NCAM1: variants seen among roughly 807,000 people sequenced by gnomAD.
NCAM1 encodes antigen recognized by monoclonal antibody 5.1H11.
A neutral mutation model predicts 109.8 loss-of-function variants in NCAM1; 14 were observed. The ratio of observed to expected loss-of-function variants is 0.13; its 90% CI spans 0.08 to 0.20. The LOEUF is 0.20. Among genes scored for constraint, NCAM1 ranks in the 10% least tolerant of loss-of-function variants. The pLI, the probability that NCAM1 is intolerant of heterozygous loss-of-function variation, is 1.00. For synonymous variants in NCAM1, 418 were observed against 442.9 expected, an observed-to-expected ratio of 0.94 and a Z score of 0.70; for missense variants, 774 against 1,109.9, an observed-to-expected ratio of 0.70 and a Z score of 4.30.
intron 3 of NCAM1, 140 bp from the exon 4 acceptor site, chr11:113,205,383 C>A (rs1040752920): frequency 1.8e-6 from 2 of 1,099,584 alleles, no homozygotes; most frequent in Non-Finnish European, 2.5e-6. Context: ...CCTGACGTCT[C>A]TGAGGGTGCC....
At chr11:113,220,393 T>G (rs1357513747) in intron 8 of NCAM1, among the ~76,000 whole-genome samples, 4 of 152,170 alleles carry the variant, frequency 2.6e-5, no homozygotes, top group African/African-American at 9.7e-5. Flanking sequence ...CAAAGCTTCC[T>G]GACTCCTGGT....
At chr11:113,030,553 TAGTTTTTTGGTG>T (rs781837038) in intron 1 of NCAM1, among the ~76,000 whole-genome samples, 6 of 152,194 alleles carry the variant, frequency 3.9e-5, no homozygotes, top group Non-Finnish European at 7.3e-5. Flanking sequence ...TTCTCCTGTT[TAGTTTTTTGGTG>T]AGATTATCAA....
intron 1 of NCAM1, among the ~76,000 whole-genome samples, chr11:113,184,125 G>C (rs949084587): frequency 6.6e-6 from 1 of 152,110 alleles, no homozygotes; most frequent in Non-Finnish European, 1.5e-5. Flanking sequence ...GTTGTAGAGA[G>C]GAGGGGAAAA....
At chr11:112,966,226 G>A (rs782793915) in intron 1 of NCAM1, among the ~76,000 whole-genome samples, 1 of 152,154 alleles carries the variant, frequency 6.6e-6, no homozygotes, top group Admixed American at 6.5e-5. Context: ...CATTAATCAC[G>A]TGGCTGTATA....
At chr11:112,984,104 A>G (rs1951229480) in intron 1 of NCAM1, among the ~76,000 whole-genome samples, 6 of 151,676 alleles carry the variant, frequency 4.0e-5, no homozygotes. Context: ...CTCTGTTTCT[A>G]TGTATTTAGT....
At chr11:113,248,691 A>G (rs982714927) in intron 15 of NCAM1, among the ~76,000 whole-genome samples, 2 of 152,222 alleles carry the variant, frequency 1.3e-5, no homozygotes, top group Non-Finnish European at 2.9e-5. Flanking sequence ...TGGATGCTCC[A>G]TCTACCCTGA....
chr11:113,245,876 T>TC (rs1945485408), intron 14 of NCAM1, among the ~76,000 whole-genome samples: 1 of 152,248 alleles, frequency 6.6e-6, no homozygotes, highest in African/African-American at 2.4e-5. Context: ...TCATTGCCCT[T>TC]GTTTCCCAAG....
chr11:113,187,761 A>G (rs978488777), intron 1 of NCAM1, among the ~76,000 whole-genome samples: 5 of 152,126 alleles, frequency 3.3e-5, no homozygotes, highest in Non-Finnish European at 7.3e-5. Context: ...TCAGCAACAG[A>G]TTCGTTGTAC....
At chr11:113,060,379 A>G (rs1202694542) in intron 1 of NCAM1, among the ~76,000 whole-genome samples, 1 of 152,222 alleles carries the variant, frequency 6.6e-6, no homozygotes, top group African/African-American at 2.4e-5. Flanking sequence ...TCTTCACTTA[A>G]AAGTCCTAAT....
In NCAM1 at chr11:113,270,334, T is replaced by C; in HGVS notation, c.2278T>C (p.Cys760Arg). The part of the protein sequence containing the change: ...GLFMCIAVNL[C>R]GKAGPGAKGK... ...GTTCATGTGCATTGCGGTCAACCTGTGTGGAAAAGCCGGGCCCGGGGCCAA... is the reference window on the plus strand; with the variant it reads ...GTTCATGTGCATTGCGGTCAACCTGCGTGGAAAAGCCGGGCCCGGGGCCAA... Residue 760 changes from cysteine to arginine, a missense_variant, in exon 18 of 20, where the codon TGT becomes CGT. Around this residue, in one of 4 missense-constraint regions of NCAM1, gnomAD observed 523 missense variants for 784.2 expected, o/e 0.67. Coordinates refer to ENST00000316851, the MANE Select transcript of NCAM1 (RefSeq NM_181351.5). 1 of 1,613,916 alleles carries C rather than the reference T, an allele frequency of 6.2e-7. No individual in the cohort carries two copies. The highest frequency in any genetic ancestry group is 8.5e-7 in the Non-Finnish European group (1 of 1,179,870).
chr11:113,191,565 G>A (rs1228197191), intron 1 of NCAM1, among the ~76,000 whole-genome samples: 1 of 152,162 alleles, frequency 6.6e-6, no homozygotes, highest in Non-Finnish European at 1.5e-5. Flanking sequence ...CAGCCTTGTG[G>A]CCTTGGGCTG....
chr11:113,202,530 T>A, intron 2 of NCAM1, 77 bp downstream of exon 2: 1 of 1,327,366 alleles, frequency 7.5e-7, no homozygotes, highest in East Asian at 2.4e-5. Flanking sequence ...CCTCAGGCCA[T>A]GTGAGCTGGC....
At chr11:113,171,665 A>AAAT (rs1555106279) in intron 1 of NCAM1, among the ~76,000 whole-genome samples, 2 of 114,368 alleles carry the variant, frequency 1.7e-5, no homozygotes, top group Admixed American at 9.2e-5. Flanking sequence ...ATAAATAAAT[A>AAAT]AATAAAGAGA....
intron 1 of NCAM1, among the ~76,000 whole-genome samples, chr11:113,066,660 T>C (rs1937972874): frequency 6.6e-6 from 1 of 152,148 alleles, no homozygotes. Context: ...TGAATGTACT[T>C]TGAAGTGAGA....
rs1555112036 is a variant in NCAM1, at chr11:113,202,425, T to C, written c.99T>C (p.Val33=). Residue 33 remains valine (V), a synonymous_variant, in exon 2 of 20, where the codon GTT becomes GTC. Transcript: ENST00000316851. ...DIVPSQGEIS[V]GESKFFLCQV... is the part of the protein sequence containing the mutation. ...TTCCCAGCCAGGGGGAGATCAGCGT[T>C]GGAGAGTCCAAATTCTTCTTATGCC... 1 of 1,612,318 alleles carries C rather than the reference T, an allele frequency of 6.2e-7. No individual in the cohort carries two copies. Among genetic ancestry groups the C allele is most frequent in the African/African-American group, 1.3e-5 (1 of 74,782 alleles).
intron 15 of NCAM1, among the ~76,000 whole-genome samples, chr11:113,248,560 A>AG (rs533709776): frequency 6.6e-6 from 1 of 151,884 alleles, no homozygotes; most frequent in African/African-American, 2.4e-5. Flanking sequence ...CTGGGGGGTG[A>AG]GGGGGGAGCT....
Position 113,273,463 on chromosome 11 carries a change from A to G in NCAM1, c.2456+1587A>G, listed in dbSNP as rs960804375. The G allele has an allele frequency of 3.0e-6, 1 of 333,822 alleles. No individual in the cohort carries two copies. 20.7% of individuals were successfully genotyped at this position (333,822 alleles called of 1,614,324 possible). On this transcript the variant is annotated intron_variant, in intron 19 of 19. Transcript: ENST00000316851. The surrounding 1 kb of genome is among the most constrained non-coding windows in gnomAD (Gnocchi z 6.0). Reference sequence around the variant, plus strand: ...GAGGCTCCCAGCACCAAAGGCCCGGACCCGGAGCCCACCCAGCCCGGAGCC... The same window carrying G: ...GAGGCTCCCAGCACCAAAGGCCCGGGCCCGGAGCCCACCCAGCCCGGAGCC...
At chr11:113,208,338 C>A (rs182574127) in intron 7 of NCAM1, among the ~76,000 whole-genome samples, 4 of 152,174 alleles carry the variant, frequency 2.6e-5, no homozygotes, top group African/African-American at 9.7e-5. Flanking sequence ...AGACTCCCTG[C>A]AATGGCCTAC....
intron 17 of NCAM1, among the ~76,000 whole-genome samples, chr11:113,268,619 C>A (rs2137746229): frequency 6.6e-6 from 1 of 152,290 alleles, no homozygotes. Context: ...GGACAGCCAC[C>A]AGAGAAGCAC....
Sources: allele counts gnomAD v4.1 joint callset (sites outside exome capture counted in the v4.1 genomes callset), GRCh38; gene constraint gnomAD v4.1.1; regional missense constraint gnomAD v4.1.1; non-coding constraint Gnocchi (gnomAD v3.1); transcripts MANE v1.5; gene names NCBI Gene and HGNC (gene_info 2026-07-23, HGNC 2026-07-21).